The following PSMG1 variants were observed in gnomAD, a reference collection of about 807,000 sequenced individuals.
PSMG1 encodes proteasome assembly chaperone 1.
In PSMG1, 23 loss-of-function variants were observed where a neutral mutation model predicts 37.2. The observed-to-expected ratio is 0.62, with a 90% CI of 0.44 to 0.88. PSMG1 has a LOEUF of 0.88. PSMG1 is among the 40% of genes least tolerant of loss of function. The pLI is 0.00. For missense variants in PSMG1, 340 were observed against 344.2 expected (o/e 0.99, Z 0.10); for synonymous variants, 127 against 128.0 (o/e 0.99, Z 0.05).
At chr21:39,177,363 G>C (rs2142111) in intron 6 of PSMG1, 72 bp downstream of exon 6, 549,238 of 1,335,398 alleles carry the variant, frequency 0.41, 115,237 homozygotes, top group East Asian at 0.48. Context: ...TAAAATGACA[G>C]TATACATTTA....
chr21:39,177,948 C>CCCAA (rs1159254438), intron 5 of PSMG1, among the ~76,000 whole-genome samples: 1 of 151,828 alleles, frequency 6.6e-6, no homozygotes, highest in African/African-American at 2.4e-5. Context: ...AAAAAGAAAC[C>CCCAA]CCAACCAAAC....
At position 39,181,838 on chromosome 21, in the gene PSMG1, C is replaced by T. The variant is rs753499198; in HGVS notation, c.175G>A (p.Glu59Lys). The T allele has an allele frequency of 5.0e-6, 8 of 1,593,516 alleles. No homozygotes were observed. Among genetic ancestry groups the T allele is most frequent in the Non-Finnish European group, 6.8e-6 (8 of 1,172,846 alleles). The change falls in exon 2 of 7, where the codon GAA (glutamate) becomes AAA (lysine). Residue 59 changes from glutamate to lysine, a missense_variant. Physicochemically the swap from Glu to Lys is moderately conservative, Grantham distance 56 (BLOSUM62 1). Coordinates refer to ENST00000331573, the MANE Select transcript of PSMG1 (RefSeq NM_003720.4). ...GGATATTTTTCTAGCAAAGAAACTTCCAAAGATGTTTTTGTTTGTCTTCGA... is the reference window on the plus strand; with the variant it reads ...GGATATTTTTCTAGCAAAGAAACTTTCAAAGATGTTTTTGTTTGTCTTCGA... ...LLRRQTKTSL[E>K]VSLLEKYPCS...
At chr21:39,183,460 C>G, upstream of PSMG1, 2 of 1,474,734 alleles carry the variant, frequency 1.4e-6, no homozygotes, top group Non-Finnish European at 9.0e-7. Context: ...ACCACGCTCC[C>G]TCACCGCGCG....
intron 6 of PSMG1, among the ~76,000 whole-genome samples, chr21:39,176,929 C>A (rs34176878): frequency 0.3 from 45,637 of 151,990 alleles, 7,297 homozygotes; most frequent in Middle Eastern, 0.35. Flanking sequence ...AGATTACAGG[C>A]AAACATTTTC....
rs111777382 is a variant in PSMG1 at position 39,180,788 on chromosome 21, C to T, written c.242-352G>A. Among the ~76,000 whole-genome samples the T allele has an allele frequency of 6.9e-4, 105 of 152,250 alleles. 1 individual carries two copies. Among genetic ancestry groups the T allele is most frequent in the Middle Eastern group, 6.8e-3 (2 of 294 alleles). On this transcript the variant is annotated intron_variant, in intron 2 of 6. Transcript: ENST00000331573. Reference sequence around the variant, plus strand: ...ATCATGTACTTACTATGTTCTACAACCACTAGGGGTACCTTACAGAGGAAG... The same window carrying T: ...ATCATGTACTTACTATGTTCTACAATCACTAGGGGTACCTTACAGAGGAAG...
Position 39,183,275 on chromosome 21 carries a change from C to T in PSMG1, c.111G>A (p.Val37=), listed in dbSNP as rs757677762. The T allele has an allele frequency of 1.3e-6, 2 of 1,588,150 alleles. No individual in the cohort carries two copies. The highest frequency in any genetic ancestry group is 3.5e-5 in the Admixed American group (2 of 57,836). ...GRRETPEDRE[V]RLQLARKREV... ...ACCTCTTCCGCGCCAGCTGCAGACG[C>T]ACCTCCCTGTCCTCGGGCGTCTCCC... The change falls in exon 1 of 7, where the codon GTG becomes GTA. Residue 37 remains valine (V), a synonymous_variant. Transcript: ENST00000331573.
In PSMG1 at chr21:39,175,506, C is replaced by A; in HGVS notation, c.*84G>T. 1 of 1,428,054 alleles carries A rather than the reference C, an allele frequency of 7.0e-7. No homozygotes were observed. The highest frequency in any genetic ancestry group is 9.2e-7 in the Non-Finnish European group (1 of 1,085,048). 88.5% of individuals were successfully genotyped at this position (1,428,054 alleles called of 1,614,324 possible). On this transcript the variant is annotated 3_prime_UTR_variant, in exon 7 of 7. Coordinates refer to ENST00000331573, the MANE Select transcript of PSMG1 (RefSeq NM_003720.4). ...GTTTCATCATTCTCAAAATATATCC[C>A]CCAAAAGTAATCTACAAAAGAGTGC...
At chr21:39,183,479 G>A, upstream of PSMG1, 1 of 1,418,976 alleles carries the variant, frequency 7.0e-7, no homozygotes, top group Non-Finnish European at 9.3e-7. Context: ...CGGGCAATAA[G>A]TCCCGCCCCG....
chr21:39,183,090 G>A (rs2146414997), intron 1 of PSMG1, 162 bp downstream of exon 1: 3 of 896,306 alleles, frequency 3.3e-6, no homozygotes, highest in East Asian at 6.6e-5. Context: ...TGGACGCCGC[G>A]GCTTCACGGA....
rs368486188 is a variant in PSMG1 at position 39,183,410 on chromosome 21, C to T, written c.-25G>A. Reference sequence around the variant, plus strand: ...TAGCCGCCCCGTGACCGGCTGGACACAACTGCAGCGCCGCGGGACCGCACG... The same window carrying T: ...TAGCCGCCCCGTGACCGGCTGGACATAACTGCAGCGCCGCGGGACCGCACG... On this transcript the variant is annotated 5_prime_UTR_variant, in exon 1 of 7. The change creates a new upstream start codon in the 5' untranslated region. Transcript: ENST00000331573. 1.3e-6 allele frequency: 2 copies of T among 1,567,786 alleles called. No homozygotes were observed. Among genetic ancestry groups the T allele is most frequent in the East Asian group, 2.4e-5 (1 of 41,596 alleles).
chr21:39,176,944 A>G (rs2030645778), intron 6 of PSMG1, among the ~76,000 whole-genome samples: 1 of 152,242 alleles, frequency 6.6e-6, no homozygotes, highest in African/African-American at 2.4e-5. Flanking sequence ...ATTTTCATGT[A>G]CGTGTTCCAA....
In PSMG1 at chr21:39,181,810, C is replaced by A; in HGVS notation, c.203G>T (p.Cys68Phe). The change falls in exon 2 of 7, where the codon TGC becomes TTC. Residue 68 changes from cysteine to phenylalanine, a missense_variant. By Grantham distance (205) the Cys-to-Phe change is radical (BLOSUM62 -2). Coordinates refer to ENST00000331573, the MANE Select transcript of PSMG1 (RefSeq NM_003720.4). ...TCCTATAGCAATTATAAACTTGGAG[C>A]ACGGATATTTTTCTAGCAAAGAAAC... is the stretch of plus-strand genomic sequence containing the variant. The part of the protein sequence containing the change: ...LEVSLLEKYP[C>F]SKFIIAIGNN... 6.3e-7 allele frequency: 1 copy of A among 1,594,526 alleles called. No homozygotes were observed.
chr21:39,180,005 C>T lies in PSMG1; in HGVS notation c.394-19G>A, dbSNP rs372693066. On this transcript the variant is annotated intron_variant, in intron 3 of 6. Coordinates refer to ENST00000331573, the MANE Select transcript of PSMG1 (RefSeq NM_003720.4). ...GAAAAACCTGAAAAGTCAAGTTCCA[C>T]GCTTTTTGTCAAGTAAGTTTTATAC... 8.8e-6 allele frequency: 14 copies of T among 1,597,236 alleles called. No homozygotes were observed. The highest frequency in any genetic ancestry group is 2.8e-5 in the African/African-American group (2 of 71,076).
intron 4 of PSMG1, among the ~76,000 whole-genome samples, chr21:39,179,556 T>TA (rs1418405261): frequency 6.6e-6 from 1 of 152,176 alleles, no homozygotes; most frequent in Non-Finnish European, 1.5e-5. Context: ...CTGGATTTGA[T>TA]AGATTTCTAA....
In PSMG1 at chr21:39,175,103, T is replaced by C. The variant is rs1235561515; in HGVS notation, c.*487A>G. 6.6e-6 allele frequency: 1 copy of C among 152,254 alleles called. No individual in the cohort carries two copies. The highest frequency in any genetic ancestry group is 6.5e-5 in the Admixed American group (1 of 15,288). 9.4% of individuals were successfully genotyped at this position (152,254 alleles called of 1,614,324 possible). ...ATAGTTACACCTAATTAACTACACT[T>C]TGCCACATGAATACCATCTGCTGAT... On this transcript the variant is annotated 3_prime_UTR_variant, in exon 7 of 7. Coordinates refer to ENST00000331573, the MANE Select transcript of PSMG1 (RefSeq NM_003720.4).
Position 39,178,538 on chromosome 21 carries a change from AG to A in PSMG1, c.565del (p.Leu189Ter). 6.2e-7 allele frequency: 1 copy of A among 1,614,168 alleles called. No homozygotes were observed. The highest frequency in any genetic ancestry group is 8.5e-7 in the Non-Finnish European group (1 of 1,180,000). ...GAAATTCTGTGTTTTTAGGGCTCTC[AG>A]GAAAGGAGAAGGAAGGCTGCCGGTG... is the stretch of plus-strand genomic sequence containing the variant. ...ESTGSLPSPF[L>X]RALKTQNFKD... On this transcript the variant is annotated frameshift_variant, in exon 5 of 7. Transcript: ENST00000331573. LOFTEE classifies it high-confidence loss of function.
Position 39,181,880 on chromosome 21 carries a change from T to A in PSMG1, c.135-2A>T, listed in dbSNP as rs1555910614. 1 of 1,567,792 alleles carries A rather than the reference T, an allele frequency of 6.4e-7. No individual in the cohort carries two copies. The highest frequency in any genetic ancestry group is 8.6e-7 in the Non-Finnish European group (1 of 1,162,890). Reference sequence around the variant, plus strand: ...TGTCTTCGAAGGAGCCGCACTTCCCTAACACAAGAAACAAGATGAAACTAA... The same window carrying A: ...TGTCTTCGAAGGAGCCGCACTTCCCAAACACAAGAAACAAGATGAAACTAA... On this transcript the variant is annotated splice_acceptor_variant, in intron 1 of 6. Transcript: ENST00000331573. LOFTEE classifies it high-confidence loss of function.
intron 2 of PSMG1, 76 bp downstream of exon 2, chr21:39,181,696 A>G (rs1399122464): frequency 4.7e-6 from 5 of 1,053,742 alleles, no homozygotes; most frequent in Non-Finnish European, 5.3e-6. Context: ...AACATTTTAA[A>G]TCTTTTATGA....
rs760704585 is a variant in PSMG1, at chr21:39,177,564, G to A, written c.663C>T (p.Ser221=). The change falls in exon 6 of 7, where the codon AGC becomes AGT. Residue 221 remains serine, a synonymous_variant. Coordinates refer to ENST00000331573, the MANE Select transcript of PSMG1 (RefSeq NM_003720.4). ...IVHDLPAAVL[S]YCQVWKIPAI... is the part of the protein sequence containing the mutation. ...CTGGGATTTTCCATACTTGACAGTA[G>A]CTTAGAACTATGAATACACAAGAAA... The A allele has an allele frequency of 1.3e-6, 2 of 1,554,808 alleles. No homozygotes were observed. The highest frequency in any genetic ancestry group is 2.3e-5 in the East Asian group (1 of 42,846).
Sources: gnomAD v4.1 joint callset for allele counts (sites outside exome capture counted in the v4.1 genomes callset) on GRCh38, gnomAD v4.1.1 for gene constraint, MANE v1.5 for transcripts, NCBI Gene and HGNC (gene_info 2026-07-23, HGNC 2026-07-21) for gene names.